SLC12A4: variants seen among roughly 807,000 people sequenced by gnomAD.
The protein encoded by SLC12A4 is solute carrier family 12 member 4.
SLC12A4 carries 84 observed loss-of-function variants against 119.2 expected under a neutral mutation model. The observed-to-expected ratio is 0.70, with a 90% confidence interval of 0.59 to 0.85. The LOEUF (loss-of-function observed/expected upper bound fraction) is 0.85. Ranked by LOEUF, SLC12A4 falls within the 40% of genes least tolerant of loss-of-function variation. The pLI, the probability that SLC12A4 is intolerant of heterozygous loss-of-function variation, is 0.00. For synonymous variants in SLC12A4, 599 were observed against 604.6 expected (o/e 0.99, Z 0.14); for missense variants, 1,298 against 1,476.3 (o/e 0.88, Z 1.98).
At position 67,954,747 on chromosome 16, in the gene SLC12A4, G is replaced by A. The variant is rs981412812; in HGVS notation, c.571C>T (p.Arg191Cys). ...CCTCCAAATTCTGGCCCCAGTGAAC[G>A]AGAGATCATGAAATAGGAGCCCCCA... The part of the protein sequence containing the change: ...PAGGSYFMIS[R>C]SLGPEFGGAV... The change falls in exon 6 of 24, where the codon CGT (arginine) becomes TGT (cysteine). Residue 191 changes from arginine to cysteine, a missense_variant. Coordinates refer to ENST00000316341, the MANE Select transcript of SLC12A4 (RefSeq NM_005072.5). 33 of 1,614,020 alleles carry A rather than the reference G, an allele frequency of 2.0e-5. No individual in the cohort carries two copies. The highest frequency in any genetic ancestry group is 2.7e-5 in the Non-Finnish European group (32 of 1,180,024).
rs552737486 is a variant in SLC12A4 at position 67,952,538 on chromosome 16, G to A, written c.676-113C>T. 9 of 1,161,638 alleles carry A rather than the reference G, an allele frequency of 7.7e-6. No homozygotes were observed. The South Asian group carries it at 8.3e-5, about 11-fold the overall frequency. The allele number at this position is 1,161,638 out of a possible 1,614,324, so 72.0% of individuals were successfully genotyped here. ...AAAGAGGCCGGGCGCAGTGGCTCAC[G>A]CCTGTAATCCCAGCACTTTGGGAGG... is the stretch of plus-strand genomic sequence containing the variant. On this transcript the variant is annotated intron_variant, in intron 6 of 23. Transcript: ENST00000316341.
In SLC12A4 at chr16:67,947,690, T is replaced by C; in HGVS notation, c.1946A>G (p.Tyr649Cys). The change falls in exon 15 of 24, where the codon TAC becomes TGC. Residue 649 changes from tyrosine (Y) to cysteine (C), a missense_variant. Physicochemically the swap from Tyr to Cys is radical, Grantham distance 194. Transcript: ENST00000316341. ...LVAMLIAGMI[Y>C]KYIEYQGAEK... is the part of the protein sequence containing the mutation. ...TCACCCTTGGTACTCGATGTATTTG[T>C]AGATCATGCCGGCGATGAGCATGGC... 2 of 1,598,466 alleles carry C rather than the reference T, an allele frequency of 1.3e-6. No homozygotes were observed. Among genetic ancestry groups the C allele is most frequent in the South Asian group, 2.3e-5 (2 of 88,604 alleles).
chr16:67,945,813 G>A lies in SLC12A4; in HGVS notation c.2798C>T (p.Ser933Leu), dbSNP rs768543789. ...YERTLMMEQR[S>L]QMLRQMRLTK... ...CAGTCTCATCTGCCGCAGCATCTGC[G>A]ACCGCTGCTCCATCATCAGCGTCCG... is the stretch of plus-strand genomic sequence containing the variant. Residue 933 changes from serine to leucine, a missense_variant, in exon 21 of 24, where the codon TCG becomes TTG. Ser to Leu is a moderately radical substitution (Grantham distance 145, BLOSUM62 -2). Transcript: ENST00000316341. 9.3e-6 allele frequency: 15 copies of A among 1,613,740 alleles called. No individual in the cohort carries two copies. Among genetic ancestry groups the A allele is most frequent in the African/African-American group, 1.3e-5 (1 of 74,942 alleles).
At chr16:67,948,920 C>A (rs1333260910) in intron 13 of SLC12A4, among the ~76,000 whole-genome samples, 5 of 152,154 alleles carry the variant, frequency 3.3e-5, no homozygotes, top group African/African-American at 7.2e-5. Context: ...GGGTACAGGG[C>A]CCCTGTCAAG....
At position 67,947,789 on chromosome 16, in the gene SLC12A4, C is replaced by A; in HGVS notation, c.1848-1G>T. The stretch of plus-strand genomic sequence containing the variant: ...ACTCATGCCCAGGAAGGACAGCGCC[C>A]TGGACGAGAGGGGAGGGCAGAGTCA... On this transcript the variant is annotated splice_acceptor_variant, in intron 14 of 23. Coordinates refer to ENST00000316341, the MANE Select transcript of SLC12A4 (RefSeq NM_005072.5). LOFTEE classifies it high-confidence loss of function. 1 of 1,587,570 alleles carries A rather than the reference C, an allele frequency of 6.3e-7. No homozygotes were observed. Among genetic ancestry groups the A allele is most frequent in the Non-Finnish European group, 8.6e-7 (1 of 1,167,402 alleles).
At chr16:67,946,771 AG>A (rs2058355837) in intron 17 of SLC12A4, 138 bp from the exon 18 acceptor site, 1 of 1,251,702 alleles carries the variant, frequency 8.0e-7, no homozygotes, top group South Asian at 1.4e-5. Context: ...CCAGAGGCCA[AG>A]TTTTCAAGAT....
intron 3 of SLC12A4, 40 bp downstream of exon 3, chr16:67,961,535 C>T (rs2030567338): frequency 6.2e-7 from 1 of 1,604,236 alleles, no homozygotes; most frequent in African/African-American, 1.3e-5. Context: ...CTGTGTCTGT[C>T]TTCCCAGGTG....
intron 1 of SLC12A4, chr16:67,964,133 G>C: frequency 6.7e-7 from 1 of 1,482,740 alleles, no homozygotes; most frequent in Non-Finnish European, 9.0e-7. Flanking sequence ...AGGCCGTGGA[G>C]AGCGGAAGTG....
intron 1 of SLC12A4, chr16:67,966,773 A>C: frequency 1.3e-6 from 2 of 1,551,484 alleles, no homozygotes; most frequent in Non-Finnish European, 1.7e-6. Flanking sequence ...GGTGTCCCCC[A>C]TCCTGTAGAC....
At chr16:67,959,171 C>G (rs2030433512) in intron 3 of SLC12A4, among the ~76,000 whole-genome samples, 2 of 152,154 alleles carry the variant, frequency 1.3e-5, no homozygotes, top group Admixed American at 1.3e-4. Flanking sequence ...CAGGCTTTCT[C>G]AACTCAGGGC....
chr16:67,968,406 G>C (rs910646915), intron 1 of SLC12A4, 33 bp downstream of exon 1: 9 of 1,535,084 alleles, frequency 5.9e-6, no homozygotes, highest in Non-Finnish European at 7.8e-6. Flanking sequence ...AGGCCCCGCT[G>C]CCCCGCCACG....
At chr16:67,948,257 C>T in intron 13 of SLC12A4, 98 bp from the exon 14 acceptor site, 1 of 1,144,192 alleles carries the variant, frequency 8.7e-7, no homozygotes, top group Non-Finnish European at 1.3e-6. Context: ...GTGGCCCGGC[C>T]CTGCCCTGCA....
In SLC12A4 at chr16:67,950,296, TG is replaced by T; in HGVS notation, c.1629+22del. On this transcript the variant is annotated intron_variant, in intron 12 of 23. Transcript: ENST00000316341. This position sits in a 1 kb window ranked among gnomAD's most constrained non-coding sequence, Gnocchi z 4.3. ...CGAGGGCCTGGGAGCAGCCAGGCCA[TG>T]GGGGAGTGCAGAGGGGCTCACCCGG... 4 of 1,610,362 alleles carry T rather than the reference TG, an allele frequency of 2.5e-6. No homozygotes were observed. The highest frequency in any genetic ancestry group is 3.4e-6 in the Non-Finnish European group (4 of 1,178,046).
rs1019315018 is a variant in SLC12A4 at position 67,949,982 on chromosome 16, C to T, written c.1630-64G>A. 17 of 1,316,076 alleles carry T rather than the reference C, an allele frequency of 1.3e-5. No individual in the cohort carries two copies. The highest frequency in any genetic ancestry group is 1.9e-5 in the Non-Finnish European group (17 of 917,446). The allele number at this position is 1,316,076 out of a possible 1,614,324, so 81.5% of individuals were successfully genotyped here. ...CATTCCACACCTTGGGCCCCAGACC[C>T]CAGCCTGGCCTCCCTCACCCCCAGG... On this transcript the variant is annotated intron_variant, in intron 12 of 23. Transcript: ENST00000316341. The surrounding 1 kb of genome is among the most constrained non-coding windows in gnomAD (Gnocchi z 4.6).
chr16:67,950,452 A>G lies in SLC12A4; in HGVS notation c.1496T>C (p.Leu499Pro). The G allele has an allele frequency of 6.2e-7, 1 of 1,614,012 alleles. No individual in the cohort carries two copies. Among genetic ancestry groups the G allele is most frequent in the Admixed American group, 1.7e-5 (1 of 60,026 alleles). ...GVSRNLVVGT[L>P]AWPSPWVIVI... is the part of the protein sequence containing the mutation. Reference sequence around the variant, plus strand: ...GATGACCCAGGGTGAAGGCCAGGCCAGTGTGCCCACCACCAAGTTCCTGCT... The same window carrying G: ...GATGACCCAGGGTGAAGGCCAGGCCGGTGTGCCCACCACCAAGTTCCTGCT... Residue 499 changes from leucine to proline, a missense_variant, in exon 12 of 24, where the codon CTG becomes CCG. Leu to Pro is a moderately conservative substitution (Grantham distance 98). Coordinates refer to ENST00000316341, the MANE Select transcript of SLC12A4 (RefSeq NM_005072.5). This position sits in a 1 kb window ranked among gnomAD's most constrained non-coding sequence, Gnocchi z 4.3.
In SLC12A4 at chr16:67,949,911, C is replaced by T. The variant is rs143738536; in HGVS notation, c.1637G>A (p.Gly546Asp). Residue 546 changes from glycine (G) to aspartate (D), a missense_variant, in exon 13 of 24, where the codon GGC becomes GAC. Gly to Asp is a moderately conservative substitution (Grantham distance 94). Transcript: ENST00000316341. The surrounding 1 kb of genome is among the most constrained non-coding windows in gnomAD (Gnocchi z 4.6). The stretch of plus-strand genomic sequence containing the variant: ...GGGTTCACCATTCACCTTCCCGTGG[C>T]CAAACACCTGTGTGCACCAGGAAGG... ...DNIIPFLRVF[G>D]HGKVNGEPTW... 66 of 1,610,952 alleles carry T rather than the reference C, an allele frequency of 4.1e-5. No individual in the cohort carries two copies. Among genetic ancestry groups the T allele is most frequent in the Non-Finnish European group, 5.5e-5 (65 of 1,177,920 alleles).
intron 3 of SLC12A4, among the ~76,000 whole-genome samples, chr16:67,958,308 T>A (rs758561988): frequency 7.2e-5 from 11 of 152,114 alleles, no homozygotes; most frequent in Non-Finnish European, 1.6e-4. Context: ...CTTCCCTTCC[T>A]CTCTTCTGTT....
intron 2 of SLC12A4, 103 bp from the exon 3 acceptor site, chr16:67,961,809 G>T: frequency 6.8e-7 from 1 of 1,468,480 alleles, no homozygotes; most frequent in Non-Finnish European, 9.3e-7. Context: ...CCTGAGACAG[G>T]CCTGGGCCTG....
intron 21 of SLC12A4, 85 bp from the exon 22 acceptor site, chr16:67,945,638 C>T (rs76074266): frequency 2.3e-5 from 35 of 1,522,400 alleles, no homozygotes; most frequent in East Asian, 4.5e-5. Flanking sequence ...ACCTTGCCTC[C>T]GGGAAATGAG....
Sources: gnomAD v4.1 joint callset for allele counts (sites outside exome capture counted in the v4.1 genomes callset) on GRCh38, gnomAD v4.1.1 for gene constraint, Gnocchi (gnomAD v3.1) non-coding constraint, MANE v1.5 for transcripts, NCBI Gene and HGNC (gene_info 2026-07-23, HGNC 2026-07-21) for gene names.